CNOT1: variants seen among roughly 807,000 people sequenced by gnomAD.
CNOT1 encodes the protein CCR4-NOT transcription complex subunit 1.
CNOT1 carries 15 observed loss-of-function variants against 273.8 expected under a neutral mutation model. The observed-to-expected ratio is 0.05, with a 90% CI of 0.04 to 0.08. CNOT1 has a LOEUF of 0.08. Ranked by LOEUF, CNOT1 falls within the 10% of genes least tolerant of loss-of-function variation. The probability of loss-of-function intolerance (pLI) is 1.00; values close to 1 mark genes in which losing one functional copy is unlikely to be tolerated. For missense variants in CNOT1, 1,644 were observed against 2,912.2 expected, an observed-to-expected ratio of 0.56 and a Z score of 10.02; for synonymous variants, 1,022 against 1,005.5, an observed-to-expected ratio of 1.02 and a Z score of -0.31.
chr16:58,592,411 A>G (rs1420760298), intron 2 of CNOT1, among the ~76,000 whole-genome samples: 1 of 152,198 alleles, frequency 6.6e-6, no homozygotes, highest in Non-Finnish European at 1.5e-5. Context: ...TTGTTAAATT[A>G]GAAAGTTATT....
At chr16:58,608,881 A>G (rs942560747) in intron 1 of CNOT1, among the ~76,000 whole-genome samples, 5 of 152,182 alleles carry the variant, frequency 3.3e-5, no homozygotes, top group Admixed American at 2.0e-4. Context: ...ACCAAACATC[A>G]TATGTTCTCA....
At chr16:58,522,163 C>T (rs2039408167) in intron 47 of CNOT1, among the ~76,000 whole-genome samples, 1 of 127,366 alleles carries the variant, frequency 7.9e-6, no homozygotes, top group Non-Finnish European at 1.6e-5. Flanking sequence ...ACTAAAAATA[C>T]AAAAAATTAG....
chr16:58,595,350 C>T (rs1026462714), intron 2 of CNOT1, among the ~76,000 whole-genome samples: 1 of 147,828 alleles, frequency 6.8e-6, no homozygotes, highest in South Asian at 2.1e-4. Flanking sequence ...TTGGAGATGA[C>T]CAGGTTTTTA....
In CNOT1 at chr16:58,520,876, C is replaced by G. The variant is rs17821549; in HGVS notation, c.*82G>C. 1.4e-6 allele frequency: 2 copies of G among 1,416,816 alleles called. No individual in the cohort carries two copies. The highest frequency in any genetic ancestry group is 4.5e-5 in the East Asian group (2 of 43,976). The allele number at this position is 1,416,816 out of a possible 1,614,324, so 87.8% of individuals were successfully genotyped here. On this transcript the variant is annotated 3_prime_UTR_variant, in exon 49 of 49. Coordinates refer to ENST00000317147, the MANE Select transcript of CNOT1 (RefSeq NM_016284.5). ...AAAGGGCTGGGAAAGTCAGGAAGAGCTGAAAGGATTCTTCAGTCAGTTTAT... is the reference window on the plus strand; with the variant it reads ...AAAGGGCTGGGAAAGTCAGGAAGAGGTGAAAGGATTCTTCAGTCAGTTTAT...
intron 29 of CNOT1, 132 bp from the exon 30 acceptor site, chr16:58,545,623 A>G: frequency 1.4e-6 from 2 of 1,448,014 alleles, no homozygotes; most frequent in Admixed American, 2.5e-5. Flanking sequence ...AGGATGTAGC[A>G]GGTCCTATTT....
At chr16:58,521,371 T>C in intron 47 of CNOT1, 54 bp from the exon 48 acceptor site, 1 of 1,531,842 alleles carries the variant, frequency 6.5e-7, no homozygotes, top group Non-Finnish European at 8.8e-7. Context: ...AAATTCATGA[T>C]TATTCTTCCA....
chr16:58,538,381 T>C, intron 36 of CNOT1, 115 bp from the exon 37 acceptor site: 5 of 664,678 alleles, frequency 7.5e-6, no homozygotes, highest in South Asian at 7.0e-5. Context: ...CAACTCCAAA[T>C]CAGTGTCCAA....
At chr16:58,534,507 TTTCTAA>T in intron 39 of CNOT1, 112 bp from the exon 40 acceptor site, 1 of 1,170,866 alleles carries the variant, frequency 8.5e-7, no homozygotes, top group South Asian at 1.6e-5. Context: ...TACTGTCATA[TTTCTAA>T]TTCTTACATT....
chr16:58,626,223 T>C (rs1282943130), intron 1 of CNOT1, among the ~76,000 whole-genome samples: 2 of 150,704 alleles, frequency 1.3e-5, no homozygotes, highest in Non-Finnish European at 3.0e-5. Flanking sequence ...GCCTGGCCAA[T>C]ACGTTGAAAC....
rs768113630 is a variant in CNOT1 at position 58,617,653 on chromosome 16, T to C, written c.-175+12075A>G. On this transcript the variant is annotated intron_variant, in intron 1 of 48. Coordinates refer to ENST00000317147, the MANE Select transcript of CNOT1 (RefSeq NM_016284.5). Reference sequence around the variant, plus strand: ...TGCCCAAATGCCAACAGTGCCCTTGTTGAGAAAATGGCTGATATAGCCACC... The same window carrying C: ...TGCCCAAATGCCAACAGTGCCCTTGCTGAGAAAATGGCTGATATAGCCACC... Among the ~76,000 whole-genome samples the C allele has an allele frequency of 3.9e-5, 6 of 152,168 alleles. No individual in the cohort carries two copies. In the East Asian group the frequency reaches 7.7e-4, roughly 20 times the overall value.
chr16:58,553,978 A>AT, intron 21 of CNOT1, 118 bp from the exon 22 acceptor site: 6 of 1,315,176 alleles, frequency 4.6e-6, no homozygotes, highest in Non-Finnish European at 4.9e-6. Flanking sequence ...TGAATAACTT[A>AT]TTTGAAGAAA....
chr16:58,608,937 G>A (rs939581927), intron 1 of CNOT1, among the ~76,000 whole-genome samples: 9 of 152,316 alleles, frequency 5.9e-5, no homozygotes, highest in Middle Eastern at 3.4e-3. Flanking sequence ...GCGTAAGAAT[G>A]ACACAATAGA....
chr16:58,588,949 AC>A (rs2041962586), intron 2 of CNOT1, 43 bp from the exon 3 acceptor site: 5 of 1,519,672 alleles, frequency 3.3e-6, no homozygotes, highest in Admixed American at 4.8e-5. Flanking sequence ...GGAAGATAAA[AC>A]AAAAAAAAAA....
At chr16:58,548,651 C>T (rs1034115095) in intron 25 of CNOT1, 1 of 516,200 alleles carries the variant, frequency 1.9e-6, no homozygotes, top group Non-Finnish European at 3.9e-6. Context: ...AAGCCAATGA[C>T]CCAAGTTATT....
At chr16:58,618,076 G>A (rs1052250464) in intron 1 of CNOT1, among the ~76,000 whole-genome samples, 1 of 152,168 alleles carries the variant, frequency 6.6e-6, no homozygotes, top group Non-Finnish European at 1.5e-5. Context: ...CCAGAAGATG[G>A]TAAGAAATGG....
chr16:58,599,448 G>C lies in CNOT1; in HGVS notation c.-111C>G, dbSNP rs996318373. ...TTTCTTTGTAATTAGGCTATATCTG[G>C]TATCTGTATAATATCTTCAGTTCTT... On this transcript the variant is annotated 5_prime_UTR_variant, in exon 2 of 49. Coordinates refer to ENST00000317147, the MANE Select transcript of CNOT1 (RefSeq NM_016284.5). 1 of 1,314,842 alleles carries C rather than the reference G, an allele frequency of 7.6e-7. No individual in the cohort carries two copies. The allele number at this position is 1,314,842 out of a possible 1,614,324, so 81.4% of individuals were successfully genotyped here.
intron 39 of CNOT1, among the ~76,000 whole-genome samples, chr16:58,534,631 T>A (rs1327243894): frequency 6.6e-6 from 1 of 152,194 alleles, no homozygotes; most frequent in African/African-American, 2.4e-5. Flanking sequence ...ACAGACAGAT[T>A]ATCATGGCAA....
intron 30 of CNOT1, among the ~76,000 whole-genome samples, chr16:58,545,054 T>C (rs1270390000): frequency 6.6e-6 from 1 of 152,226 alleles, no homozygotes; most frequent in Non-Finnish European, 1.5e-5. Flanking sequence ...AGCTATGATA[T>C]ACATTAAGCA....
chr16:58,558,633 A>C lies in CNOT1; in HGVS notation c.2172T>G (p.Gly724=). 6.2e-7 allele frequency: 1 copy of C among 1,613,598 alleles called. No homozygotes were observed. The highest frequency in any genetic ancestry group is 8.5e-7 in the Non-Finnish European group (1 of 1,179,842). The part of the protein sequence containing the change: ...LAGMTSLSIG[G]SAAPHTQSMQ... Reference sequence around the variant, plus strand: ...TACTCTGGGTGTGAGGGGCAGCTGAACCACCTATACTAAGAGATGTCATTC... The same window carrying C: ...TACTCTGGGTGTGAGGGGCAGCTGACCCACCTATACTAAGAGATGTCATTC... Residue 724 remains glycine, a synonymous_variant, in exon 18 of 49, where the codon GGT becomes GGG. Coordinates refer to ENST00000317147, the MANE Select transcript of CNOT1 (RefSeq NM_016284.5).
Sources: allele counts gnomAD v4.1 joint callset (sites outside exome capture counted in the v4.1 genomes callset), GRCh38; gene constraint gnomAD v4.1.1; transcripts MANE v1.5; gene names NCBI Gene and HGNC (gene_info 2026-07-23, HGNC 2026-07-21).